LCA5: variants seen among roughly 807,000 people sequenced by gnomAD.
The protein encoded by LCA5 is lebercilin.
A neutral mutation model predicts 53.0 loss-of-function variants in LCA5; 37 were observed. The observed-to-expected ratio is 0.70, with a 90% CI of 0.54 to 0.92. The LOEUF (loss-of-function observed/expected upper bound fraction) is 0.92. Ranked by LOEUF, LCA5 falls within the 40% of genes least tolerant of loss-of-function variation. LCA5 has a pLI of 0.00. For synonymous variants in LCA5, 303 were observed against 282.9 expected (o/e 1.07, Z -0.71); for missense variants, 806 against 790.5 (o/e 1.02, Z -0.23).
upstream of LCA5, among the ~76,000 whole-genome samples, chr6:79,538,370 C>A (rs1055170293): frequency 6.6e-6 from 1 of 152,124 alleles, no homozygotes; most frequent in African/African-American, 2.4e-5. Flanking sequence ...CTCGTTTTTC[C>A]ACCTTTGCAC....
chr6:79,510,160 C>A (rs1770374174), intron 3 of LCA5, among the ~76,000 whole-genome samples: 1 of 152,042 alleles, frequency 6.6e-6, no homozygotes, highest in Non-Finnish European at 1.5e-5. Flanking sequence ...GGAATAGACA[C>A]ACAGATCAAC....
At chr6:79,531,312 T>C (rs1766952881) in intron 1 of LCA5, among the ~76,000 whole-genome samples, 1 of 152,130 alleles carries the variant, frequency 6.6e-6, no homozygotes, top group Non-Finnish European at 1.5e-5. Context: ...TTCTTTCCCA[T>C]ACTACCTCTC....
chr6:79,499,560 C>G (rs1770073770), intron 3 of LCA5, among the ~76,000 whole-genome samples: 1 of 151,188 alleles, frequency 6.6e-6, no homozygotes, highest in Non-Finnish European at 1.5e-5. Flanking sequence ...CAAAATATTT[C>G]ATAAAAAATA....
chr6:79,528,471 T>G (rs1766857607), intron 1 of LCA5, among the ~76,000 whole-genome samples: 1 of 152,176 alleles, frequency 6.6e-6, no homozygotes, highest in South Asian at 2.1e-4. Context: ...TAGGGACTTG[T>G]GCTTTAGTCC....
chr6:79,536,211 G>GA (rs1213706752), intron 1 of LCA5, among the ~76,000 whole-genome samples: 2 of 151,978 alleles, frequency 1.3e-5, no homozygotes, highest in Non-Finnish European at 2.9e-5. Flanking sequence ...GGAACAACTG[G>GA]AAAAAAACAT....
intron 4 of LCA5, among the ~76,000 whole-genome samples, chr6:79,493,367 A>G (rs1346281756): frequency 1.6e-4 from 25 of 152,086 alleles, no homozygotes; most frequent in Admixed American, 1.6e-3. Flanking sequence ...TGATTTTACA[A>G]TTTACTTCAG....
At chr6:79,528,483 A>G (rs780549447) in intron 1 of LCA5, among the ~76,000 whole-genome samples, 1 of 152,176 alleles carries the variant, frequency 6.6e-6, no homozygotes, top group Non-Finnish European at 1.5e-5. Context: ...CTTTAGTCCA[A>G]TTGGCCATTC....
intron 1 of LCA5, among the ~76,000 whole-genome samples, chr6:79,535,016 A>T (rs1222121956): frequency 6.6e-6 from 1 of 152,156 alleles, no homozygotes; most frequent in African/African-American, 2.4e-5. Flanking sequence ...GCTCTTCTAT[A>T]ATCTTTCTTA....
intron 6 of LCA5, 144 bp downstream of exon 6, chr6:79,491,444 A>C: frequency 2.8e-4 from 198 of 719,218 alleles, no homozygotes; most frequent in Non-Finnish European, 4.2e-4. Flanking sequence ...AATACACGAT[A>C]CCTCTTTCCC....
rs1582613052 is a variant in LCA5 at position 79,489,012 on chromosome 6, T to C, written c.1231+72A>G. The C allele has an allele frequency of 1.9e-6, 3 of 1,542,180 alleles. No individual in the cohort carries two copies. The East Asian group carries it at 6.7e-5, about 35-fold the overall frequency. On this transcript the variant is annotated intron_variant, in intron 7 of 7. Transcript: ENST00000369846. Reference sequence around the variant, plus strand: ...AATTCACAGTTAAGCTGGAAGATATTAGAAGACGCTCACTCTTTCTTTCTC... The same window carrying C: ...AATTCACAGTTAAGCTGGAAGATATCAGAAGACGCTCACTCTTTCTTTCTC...
rs1419659264 is a variant in LCA5, at chr6:79,537,385, C to CGGCGG, written c.-417_-413dup. 4 of 152,682 alleles carry CGGCGG rather than the reference C, an allele frequency of 2.6e-5. No homozygotes were observed. The highest frequency in any genetic ancestry group is 5.8e-5 in the Non-Finnish European group (4 of 68,448). 9.5% of individuals were successfully genotyped at this position (152,682 alleles called of 1,614,324 possible). A position where few individuals can be genotyped will look rare whatever the true frequency, so the allele number is the denominator to read the frequency against. Reference sequence around the variant, plus strand: ...GAGGATCGGGGCTCCTGGGTGGCAGCGGCGGTAACCTGGGCTCCAGGGTAA... The same window carrying CGGCGG: ...GAGGATCGGGGCTCCTGGGTGGCAGCGGCGGGGCGGTAACCTGGGCTCCAGGGTAA... On this transcript the variant is annotated 5_prime_UTR_variant, in exon 1 of 8. Coordinates refer to ENST00000369846, the MANE Select transcript of LCA5 (RefSeq NM_001122769.3).
intron 6 of LCA5, 97 bp downstream of exon 6, chr6:79,491,491 T>C: frequency 8.2e-7 from 1 of 1,223,912 alleles, no homozygotes; most frequent in Non-Finnish European, 1.2e-6. Context: ...ATAGATATAG[T>C]ACTAGCTTCA....
intron 1 of LCA5, among the ~76,000 whole-genome samples, chr6:79,536,914 C>G (rs1767152618): frequency 6.6e-6 from 1 of 152,192 alleles, no homozygotes; most frequent in Non-Finnish European, 1.5e-5. Flanking sequence ...CCAGTCCCCC[C>G]AGTGCCGGTC....
At position 79,485,861 on chromosome 6, in the gene LCA5, A is replaced by G. The variant is rs955890851; in HGVS notation, c.*1143T>C. 6.6e-6 allele frequency: 1 copy of G among 152,168 alleles called. No individual in the cohort carries two copies. Among genetic ancestry groups the G allele is most frequent in the African/African-American group, 2.4e-5 (1 of 41,442 alleles). The allele number at this position is 152,168 out of a possible 1,614,324, so 9.4% of individuals were successfully genotyped here. On this transcript the variant is annotated 3_prime_UTR_variant, in exon 8 of 8. Transcript: ENST00000369846. ...GTATATTACTGCTTTTTAAAGACCA[A>G]TCATACCCAGCATGATCCAAGGTCA...
rs200972929 is a variant in LCA5, at chr6:79,487,251, G to A, written c.1847C>T (p.Thr616Ile). 12 of 1,613,930 alleles carry A rather than the reference G, an allele frequency of 7.4e-6. No homozygotes were observed. Among genetic ancestry groups the A allele is most frequent in the African/African-American group, 1.3e-5 (1 of 74,918 alleles). The change falls in exon 8 of 8, where the codon ACC (threonine) becomes ATC (isoleucine). Residue 616 changes from threonine to isoleucine, a missense_variant. Thr to Ile is a moderately conservative substitution (Grantham distance 89, BLOSUM62 -1). Transcript: ENST00000369846. Reference sequence around the variant, plus strand: ...TGGGTCACTGCTTTTGGAGGAAATGGTGCTGCTACCACTGGCACCAAATAA... The same window carrying A: ...TGGGTCACTGCTTTTGGAGGAAATGATGCTGCTACCACTGGCACCAAATAA... ...EQLFGASGSS[T>I]ISSKSSDPNS...
chr6:79,537,669 G>A (rs563005544), upstream of LCA5, among the ~76,000 whole-genome samples: 1 of 152,234 alleles, frequency 6.6e-6, no homozygotes, highest in African/African-American at 2.4e-5. Flanking sequence ...GGGCTCGACT[G>A]CTGAGCGTCG....
rs1011988234 is a variant in LCA5 at position 79,485,302 on chromosome 6, G to A, written c.*1702C>T. 7 of 152,510 alleles carry A rather than the reference G, an allele frequency of 4.6e-5. No homozygotes were observed. Among genetic ancestry groups the A allele is most frequent in the African/African-American group, 1.7e-4 (7 of 41,524 alleles). The allele number at this position is 152,510 out of a possible 1,614,324, so 9.4% of individuals were successfully genotyped here. On this transcript the variant is annotated 3_prime_UTR_variant, in exon 8 of 8. Transcript: ENST00000369846. ...GTTTTAAAAGCCTTTAAAACAACCTGAAAATTAGAATACTTTTGGCAGAAA... is the reference window on the plus strand; with the variant it reads ...GTTTTAAAAGCCTTTAAAACAACCTAAAAATTAGAATACTTTTGGCAGAAA...
chr6:79,519,759 T>C (rs1258489669), intron 1 of LCA5, among the ~76,000 whole-genome samples: 4 of 149,772 alleles, frequency 2.7e-5, no homozygotes, highest in South Asian at 2.1e-4. Context: ...ATATCCAAGA[T>C]TGACCACACA....
At chr6:79,519,642 A>G (rs1766561859) in intron 1 of LCA5, among the ~76,000 whole-genome samples, 1 of 150,642 alleles carries the variant, frequency 6.6e-6, no homozygotes, top group Non-Finnish European at 1.5e-5. Context: ...GCTCGAACCC[A>G]GGAGGCCGAG....
Sources: gnomAD v4.1 joint callset for allele counts (sites outside exome capture counted in the v4.1 genomes callset) on GRCh38, gnomAD v4.1.1 for gene constraint, MANE v1.5 for transcripts, NCBI Gene and HGNC (gene_info 2026-07-23, HGNC 2026-07-21) for gene names.